Variants in TEAD4 observed in about 807,000 individuals in gnomAD.
TEAD4 encodes TEA domain transcription factor 4.
A neutral mutation model predicts 52.4 loss-of-function variants in TEAD4; 36 were observed. The observed-to-expected ratio is 0.69, with a 90% CI of 0.53 to 0.91. The LOEUF is 0.91. Ranked by LOEUF, TEAD4 falls within the 40% of genes least tolerant of loss-of-function variation. The probability of loss-of-function intolerance (pLI) is 0.00; values close to 1 mark genes in which losing one functional copy is unlikely to be tolerated. For missense variants in TEAD4, 508 were observed against 583.9 expected, an observed-to-expected ratio of 0.87 and a Z score of 1.34; for synonymous variants, 220 against 231.0, an observed-to-expected ratio of 0.95 and a Z score of 0.43.
intron 5 of TEAD4, among the ~76,000 whole-genome samples, chr12:3,016,635 A>G (rs1435063778): frequency 1.3e-5 from 2 of 151,858 alleles, no homozygotes; most frequent in East Asian, 3.9e-4. Flanking sequence ...AGAAAAAGAC[A>G]CAGTTTCCAT....
chr12:2,992,760 G>T (rs1253403794), intron 2 of TEAD4, among the ~76,000 whole-genome samples: 2 of 152,152 alleles, frequency 1.3e-5, no homozygotes, highest in African/African-American at 4.8e-5. Context: ...GAAGTTGGGG[G>T]CTCTGCGAGG....
At chr12:2,979,905 C>G (rs1167006488) in intron 2 of TEAD4, among the ~76,000 whole-genome samples, 1 of 152,144 alleles carries the variant, frequency 6.6e-6, no homozygotes, top group Non-Finnish European at 1.5e-5. Flanking sequence ...ATGAAGGGCA[C>G]AAGGACTGAA....
chr12:3,009,965 C>T (rs2098258975), intron 3 of TEAD4, among the ~76,000 whole-genome samples: 1 of 152,236 alleles, frequency 6.6e-6, no homozygotes, highest in Non-Finnish European at 1.5e-5. Flanking sequence ...CCCTCACCTC[C>T]CCGGGCATCA....
At chr12:3,009,502 G>A (rs532828963) in intron 3 of TEAD4, among the ~76,000 whole-genome samples, 53 of 152,326 alleles carry the variant, frequency 3.5e-4, no homozygotes, top group African/African-American at 1.1e-3. Flanking sequence ...GAGACTTACC[G>A]TGCTCCCAAA....
At chr12:3,004,619 C>T (rs553368737) in intron 3 of TEAD4, among the ~76,000 whole-genome samples, 1 of 152,266 alleles carries the variant, frequency 6.6e-6, no homozygotes, top group African/African-American at 2.4e-5. Flanking sequence ...CTGTCTGTAG[C>T]GTGGATGACA....
At chr12:2,964,048 C>T (rs2098218114) in intron 2 of TEAD4, among the ~76,000 whole-genome samples, 1 of 151,032 alleles carries the variant, frequency 6.6e-6, no homozygotes, top group African/African-American at 2.4e-5. Flanking sequence ...GGGTTGGGGG[C>T]AGTGCAGAGG....
At chr12:2,999,535 A>G (rs1203381844) in intron 3 of TEAD4, among the ~76,000 whole-genome samples, 7 of 152,150 alleles carry the variant, frequency 4.6e-5, no homozygotes, top group African/African-American at 7.2e-5. Context: ...AACACCTGCT[A>G]TTTCTGAGCT....
chr12:2,997,467 A>G (rs1189901586), intron 3 of TEAD4, among the ~76,000 whole-genome samples: 2 of 151,756 alleles, frequency 1.3e-5, no homozygotes, highest in Non-Finnish European at 2.9e-5. Flanking sequence ...AGCCTCTGGG[A>G]CCCCCCGGGC....
In TEAD4 at chr12:2,985,653, GCA is replaced by G. The variant is rs1437209454; in HGVS notation, c.-29-9083_-29-9082del. On this transcript the variant is annotated intron_variant, in intron 2 of 12. Coordinates refer to ENST00000359864, the MANE Select transcript of TEAD4 (RefSeq NM_003213.4). ...CCCTAGTAGCTGGGATTATAGGTGC[GCA>G]CCATCATGCCTGGCTAATTTTTGTA... Among the ~76,000 whole-genome samples the G allele has an allele frequency of 3.3e-5, 5 of 151,184 alleles. No homozygotes were observed. In the East Asian group the frequency reaches 8.3e-4, roughly 25 times the overall value.
intron 2 of TEAD4, 164 bp downstream of exon 2, chr12:2,960,204 G>T: frequency 1.3e-6 from 1 of 780,464 alleles, no homozygotes; most frequent in Non-Finnish European, 1.6e-6. Flanking sequence ...CGGGTAAGGG[G>T]GGTGGACACT....
At chr12:3,018,473 C>A (rs1359923565) in intron 6 of TEAD4, 72 bp from the exon 7 acceptor site, 2 of 1,587,216 alleles carry the variant, frequency 1.3e-6, no homozygotes, top group Non-Finnish European at 1.7e-6. Flanking sequence ...CCCGGTCCTA[C>A]CCCCACCCCC....
chr12:3,039,343 C>A (rs888778733), intron 11 of TEAD4, among the ~76,000 whole-genome samples: 39 of 152,232 alleles, frequency 2.6e-4, no homozygotes, highest in Admixed American at 6.5e-5. Flanking sequence ...GCGCTTTACC[C>A]AGCTCTTGCC....
chr12:3,002,259 G>T (rs1292633782), intron 3 of TEAD4, among the ~76,000 whole-genome samples: 2 of 152,148 alleles, frequency 1.3e-5, no homozygotes, highest in Non-Finnish European at 2.9e-5. Context: ...TTGCTTATCT[G>T]TTCACCTGTG....
chr12:3,003,145 C>T (rs774769313), intron 3 of TEAD4, among the ~76,000 whole-genome samples: 8 of 152,260 alleles, frequency 5.3e-5, no homozygotes, highest in Admixed American at 2.0e-4. Flanking sequence ...CAGTGTGGCA[C>T]TTGCTCACTC....
At chr12:3,010,773 G>A (rs913178767) in intron 3 of TEAD4, among the ~76,000 whole-genome samples, 2 of 152,218 alleles carry the variant, frequency 1.3e-5, no homozygotes, top group African/African-American at 4.8e-5. Context: ...CACGGGCCCT[G>A]TTAACCTTGT....
At chr12:3,012,047 T>G in intron 4 of TEAD4, 123 bp from the exon 5 acceptor site, 1 of 914,052 alleles carries the variant, frequency 1.1e-6, no homozygotes, top group Non-Finnish European at 1.7e-6. Flanking sequence ...GACCCTTTCA[T>G]TCATTCATTC....
rs751852771 is a variant in TEAD4 at position 2,972,491 on chromosome 12, CTTTTTTTTTT to C, written c.-30+12467_-30+12476del. On this transcript the variant is annotated intron_variant, in intron 2 of 12. Coordinates refer to ENST00000359864, the MANE Select transcript of TEAD4 (RefSeq NM_003213.4). ...TTATTTAGACTCAGGCAGCATGTCT[CTTTTTTTTTT>C]TTTTTTTTTTTTTTTGAGACAGAGT... is the stretch of plus-strand genomic sequence containing the variant. Among the ~76,000 whole-genome samples, 125 of 34,804 alleles carry C rather than the reference CTTTTTTTTTT, an allele frequency of 3.6e-3. 2 individuals are homozygous for C. Among genetic ancestry groups the C allele is most frequent in the African/African-American group, 0.012 (96 of 8,180 alleles). 22.8% of individuals were successfully genotyped at this position (34,804 alleles called of 152,430 possible).
At chr12:2,999,471 G>A (rs1349674687) in intron 3 of TEAD4, among the ~76,000 whole-genome samples, 2 of 152,226 alleles carry the variant, frequency 1.3e-5, no homozygotes, top group Non-Finnish European at 2.9e-5. Flanking sequence ...CATAGGACAC[G>A]CTGACCAAGG....
intron 8 of TEAD4, among the ~76,000 whole-genome samples, chr12:3,019,635 G>A (rs1288813803): frequency 1.3e-5 from 2 of 152,030 alleles, no homozygotes; most frequent in African/African-American, 2.4e-5. Context: ...CCCCCACCCC[G>A]CCCTCTCACT....
Sources: gnomAD v4.1 joint callset for allele counts (sites outside exome capture counted in the v4.1 genomes callset) on GRCh38, gnomAD v4.1.1 for gene constraint, MANE v1.5 for transcripts, NCBI Gene and HGNC (gene_info 2026-07-23, HGNC 2026-07-21) for gene names.